Variants in ABAT observed in about 807,000 individuals in gnomAD.
ABAT encodes 4-aminobutyrate aminotransferase.
ABAT carries 45 observed loss-of-function variants against 64.6 expected under a neutral mutation model. That is an observed-to-expected ratio of 0.70 (90% confidence interval 0.55 to 0.89). The LOEUF is 0.89. Ranked by LOEUF, ABAT falls within the 40% of genes least tolerant of loss-of-function variation. The pLI, the probability that ABAT is intolerant of heterozygous loss-of-function variation, is 0.00. For missense variants in ABAT, 633 were observed against 658.4 expected, an observed-to-expected ratio of 0.96 and a Z score of 0.42; for synonymous variants, 297 against 250.5, an observed-to-expected ratio of 1.19 and a Z score of -1.75.
In ABAT at chr16:8,772,833, C is replaced by A; in HGVS notation, c.870C>A (p.Ile290=). 6.2e-7 allele frequency: 1 copy of A among 1,614,066 alleles called. No homozygotes were observed. The highest frequency in any genetic ancestry group is 8.5e-7 in the Non-Finnish European group (1 of 1,180,010). Residue 290 remains isoleucine (I), a synonymous_variant, in exon 12 of 16, where the codon ATC becomes ATA. Transcript: ENST00000268251. ...YRKKKKTVAG[I]IVEPIQSEGG... is the part of the protein sequence containing the mutation. ...AAAAGAAGAAGACGGTGGCCGGGAT[C>A]ATCGTGGAGCCCATCCAGTCCGAGG...
intron 4 of ABAT, among the ~76,000 whole-genome samples, chr16:8,749,144 G>A (rs1184191614): frequency 6.7e-6 from 1 of 149,946 alleles, no homozygotes; most frequent in Non-Finnish European, 1.5e-5. Context: ...CTAGAGTGCA[G>A]TGGCGCAATC....
intron 2 of ABAT, among the ~76,000 whole-genome samples, chr16:8,744,342 G>A (rs1291122837): frequency 6.6e-6 from 1 of 151,932 alleles, no homozygotes; most frequent in East Asian, 1.9e-4. Flanking sequence ...AGGAATAGGA[G>A]CAAGAGAGCA....
intron 1 of ABAT, among the ~76,000 whole-genome samples, chr16:8,683,022 C>A (rs1399185957): frequency 6.6e-6 from 1 of 152,194 alleles, no homozygotes; most frequent in Non-Finnish European, 1.5e-5. Flanking sequence ...CATCTGTTAC[C>A]ATGTAATTGG....
chr16:8,738,718 C>G (rs1347635976), intron 2 of ABAT, among the ~76,000 whole-genome samples: 1 of 149,676 alleles, frequency 6.7e-6, no homozygotes, highest in African/African-American at 2.5e-5. Flanking sequence ...AATCTCGACT[C>G]ACTGCAACCT....
chr16:8,723,277 A>G (rs1020639631), intron 1 of ABAT, among the ~76,000 whole-genome samples: 1 of 152,092 alleles, frequency 6.6e-6, no homozygotes, highest in African/African-American at 2.4e-5. Flanking sequence ...TTAGGATATC[A>G]TTGCCTTCAT....
At chr16:8,760,598 A>C (rs12446169) in intron 6 of ABAT, among the ~76,000 whole-genome samples, 5,586 of 152,326 alleles carry the variant, frequency 0.037, 159 homozygotes, top group Middle Eastern at 0.13. Context: ...AGGCCCACTG[A>C]GGCCGGAGGC....
intron 1 of ABAT, among the ~76,000 whole-genome samples, chr16:8,712,090 G>T (rs12448125): frequency 0.024 from 3,607 of 152,028 alleles, 62 homozygotes; most frequent in Non-Finnish European, 0.035. Flanking sequence ...AATTAGCTGG[G>T]CGTGGTTGCT....
chr16:8,737,991 G>GGAAGGAAGAAAGAAA (rs1567295685), intron 2 of ABAT, among the ~76,000 whole-genome samples: 338 of 14,952 alleles, frequency 0.023, 88 homozygotes, highest in South Asian at 0.044. Context: ...GAAGGAAGGA[G>GGAAGGAAGAAAGAAA]GAAAGAAAGA....
At chr16:8,752,838 T>C (rs544548306) in intron 5 of ABAT, among the ~76,000 whole-genome samples, 1 of 152,318 alleles carries the variant, frequency 6.6e-6, no homozygotes, top group Non-Finnish European at 1.5e-5. Flanking sequence ...TCCTCCCGTA[T>C]CTGTAGTCTT....
chr16:8,768,162 A>G, intron 9 of ABAT, 31 bp from the exon 10 acceptor site: 2 of 1,606,334 alleles, frequency 1.2e-6, no homozygotes, highest in African/African-American at 1.3e-5. Flanking sequence ...CCTTACAACT[A>G]TGACTAATGA....
In ABAT at chr16:8,687,901, C is replaced by CT. The variant is rs56028080; in HGVS notation, c.-42+13202dup. 1.4e-3 allele frequency among the ~76,000 whole-genome samples: 199 copies of CT among 146,262 alleles called. 1 individual carries two copies. The East Asian group carries it at 0.016, about 12-fold the overall frequency. On this transcript the variant is annotated intron_variant, in intron 1 of 15. Transcript: ENST00000268251. ...AACTGGATGATAAGAGTTGAATGCT[C>CT]TTTTTTTTTTTTAAGAGACAGGGGT...
intron 1 of ABAT, among the ~76,000 whole-genome samples, chr16:8,696,430 A>G (rs1355544028): frequency 6.6e-6 from 1 of 152,248 alleles, no homozygotes; most frequent in Admixed American, 6.5e-5. Context: ...CAAGACCAGC[A>G]TGGCCAACAT....
At chr16:8,740,332 A>G (rs1420085) in intron 2 of ABAT, among the ~76,000 whole-genome samples, 84,203 of 151,956 alleles carry the variant, frequency 0.55, 23,705 homozygotes, top group Admixed American at 0.62. Flanking sequence ...CCTCTGGCTC[A>G]AGGTCTGTCA....
Position 8,732,760 on chromosome 16 carries a change from G to A in ABAT, c.-41-2939G>A, listed in dbSNP as rs1384488580. On this transcript the variant is annotated intron_variant, in intron 1 of 15. Coordinates refer to ENST00000268251, the MANE Select transcript of ABAT (RefSeq NM_020686.6). ...GGCACACCTCCCAGACGGGGTGGTG[G>A]CCGGGCAGAGGGGCTCCTCACTTCC... Among the ~76,000 whole-genome samples the A allele has an allele frequency of 3.3e-5, 5 of 150,850 alleles. No individual in the cohort carries two copies. In the East Asian group the frequency reaches 9.8e-4, roughly 30 times the overall value.
rs1340164346 is a variant in ABAT, at chr16:8,737,985, GAAGGAGGA to G, written c.70+2180_70+2187del. Among the ~76,000 whole-genome samples, 38 of 4,100 alleles carry G rather than the reference GAAGGAGGA, an allele frequency of 9.3e-3. 4 individuals are homozygous for G. Among genetic ancestry groups the G allele is most frequent in the Non-Finnish European group, 0.011 (20 of 1,780 alleles). The allele number at this position is 4,100 out of a possible 152,430, so 2.7% of individuals were successfully genotyped here. On this transcript the variant is annotated intron_variant, in intron 2 of 15. Coordinates refer to ENST00000268251, the MANE Select transcript of ABAT (RefSeq NM_020686.6). ...GGAAGGAAGGAAGGAAGGAAGGAAGGAAGGAGGAAAGAAAGAAAGAAAGAAAGAAAGGA... is the reference window on the plus strand; with the variant it reads ...GGAAGGAAGGAAGGAAGGAAGGAAGGAAGAAAGAAAGAAAGAAAGAAAGGA...
chr16:8,759,453 A>C (rs544282392), intron 6 of ABAT, among the ~76,000 whole-genome samples: 1 of 151,964 alleles, frequency 6.6e-6, no homozygotes, highest in Non-Finnish European at 1.5e-5. Context: ...ATTCCTTCCA[A>C]CCAAATTAAG....
chr16:8,714,411 C>T (rs553697980), intron 1 of ABAT, among the ~76,000 whole-genome samples: 23 of 152,214 alleles, frequency 1.5e-4, no homozygotes, highest in Non-Finnish European at 3.4e-4. Context: ...CAGTGAGAAT[C>T]TCAGTTGACA....
At chr16:8,744,657 G>T (rs144522980) in intron 2 of ABAT, among the ~76,000 whole-genome samples, 1 of 152,068 alleles carries the variant, frequency 6.6e-6, no homozygotes, top group African/African-American at 2.4e-5. Context: ...TATGAGCCAC[G>T]GTGCCCAGCC....
chr16:8,749,842 T>C (rs1184428412), intron 4 of ABAT, among the ~76,000 whole-genome samples: 1 of 152,092 alleles, frequency 6.6e-6, no homozygotes, highest in African/African-American at 2.4e-5. Context: ...GTCTTCTGAG[T>C]AGCTGGGATC....
Sources: allele counts gnomAD v4.1 joint callset (sites outside exome capture counted in the v4.1 genomes callset), GRCh38; gene constraint gnomAD v4.1.1; transcripts MANE v1.5; gene names NCBI Gene and HGNC (gene_info 2026-07-23, HGNC 2026-07-21).